Variants in SVIL observed in about 807,000 individuals in gnomAD.
SVIL encodes supervillin.
SVIL carries 101 observed loss-of-function variants against 240.4 expected under a neutral mutation model. That is an observed-to-expected ratio of 0.42 (90% CI 0.36 to 0.50). The LOEUF is 0.50. Ranked by LOEUF, SVIL falls within the 20% of genes least tolerant of loss-of-function variation. The probability of loss-of-function intolerance (pLI) is 0.01; values close to 1 mark genes in which losing one functional copy is unlikely to be tolerated. For synonymous variants in SVIL, 999 were observed against 1,100.0 expected, an observed-to-expected ratio of 0.91 and a Z score of 1.82; for missense variants, 2,512 against 2,818.7, an observed-to-expected ratio of 0.89 and a Z score of 2.46.
At chr10:29,488,194 C>T (rs1385247335) in intron 23 of SVIL, among the ~76,000 whole-genome samples, 1 of 150,950 alleles carries the variant, frequency 6.6e-6, no homozygotes, top group Non-Finnish European at 1.5e-5. Context: ...TGTACTGACT[C>T]GGGGAGAACT....
intron 1 of SVIL, among the ~76,000 whole-genome samples, chr10:29,709,377 T>C (rs1028906470): frequency 9.2e-5 from 14 of 152,222 alleles, no homozygotes; most frequent in Admixed American, 7.9e-4. Flanking sequence ...ATGCTTAACC[T>C]GTACAAGAAA....
intron 12 of SVIL, 93 bp downstream of exon 12, chr10:29,529,611 TC>T: frequency 7.2e-7 from 1 of 1,396,220 alleles, no homozygotes. Context: ...CTAAATCACC[TC>T]CCCAATGCCT....
intron 1 of SVIL, among the ~76,000 whole-genome samples, chr10:29,607,029 A>G (rs145722596): frequency 4.3e-4 from 65 of 152,354 alleles, no homozygotes; most frequent in Middle Eastern, 3.4e-3. Flanking sequence ...TGCTGAAATT[A>G]CAGGCATGAG....
At chr10:29,559,689 A>G (rs1402831985) in intron 3 of SVIL, among the ~76,000 whole-genome samples, 1 of 152,152 alleles carries the variant, frequency 6.6e-6, no homozygotes, top group East Asian at 1.9e-4. Context: ...TTTACCTGCT[A>G]TGTTGGTCTG....
At chr10:29,566,656 C>A (rs77557640) in intron 2 of SVIL, among the ~76,000 whole-genome samples, 2,325 of 152,240 alleles carry the variant, frequency 0.015, 68 homozygotes, top group African/African-American at 0.053. Context: ...CAGTGAGCAC[C>A]TTTTTTGGCT....
chr10:29,571,180 C>G (rs1257612990), intron 1 of SVIL, among the ~76,000 whole-genome samples: 1 of 152,180 alleles, frequency 6.6e-6, no homozygotes, highest in South Asian at 2.1e-4. Flanking sequence ...GCCTATGGTA[C>G]AGGAGAAGCA....
chr10:29,467,620 G>A (rs1448556649), intron 33 of SVIL, 122 bp downstream of exon 33: 1 of 1,295,760 alleles, frequency 7.7e-7, no homozygotes. Flanking sequence ...TTGAGCCCAG[G>A]AGGTTGAAGC....
intron 1 of SVIL, 26 bp downstream of exon 1, chr10:29,634,394 G>A (rs1250899490): frequency 6.6e-6 from 1 of 151,996 alleles, no homozygotes; most frequent in Admixed American, 6.6e-5. Flanking sequence ...ACTGCATTTA[G>A]ATTTATAGGA....
At chr10:29,566,851 C>T (rs1312534321) in intron 2 of SVIL, among the ~76,000 whole-genome samples, 6 of 152,146 alleles carry the variant, frequency 3.9e-5, no homozygotes, top group Non-Finnish European at 7.3e-5. Flanking sequence ...TCAGTCACCC[C>T]TCAACCCCAA....
intron 1 of SVIL, among the ~76,000 whole-genome samples, chr10:29,618,294 T>C (rs1188244235): frequency 6.6e-6 from 1 of 152,352 alleles, no homozygotes; most frequent in African/African-American, 2.4e-5. Flanking sequence ...GTATTGTTTG[T>C]CAAATTCAAG....
rs568090093 is a variant in SVIL, at chr10:29,554,113, G to A, written c.160+670C>T. Among the ~76,000 whole-genome samples, 8 of 152,266 alleles carry A rather than the reference G, an allele frequency of 5.3e-5. No homozygotes were observed. In the East Asian group the frequency reaches 5.8e-4, roughly 11 times the overall value. ...ACATGGAAGGCCAGATCCGTGAGGC[G>A]GGGCAGAGATGACATACATGTTGTT... is the stretch of plus-strand genomic sequence containing the variant. On this transcript the variant is annotated intron_variant, in intron 5 of 37. Coordinates refer to ENST00000355867, the MANE Select transcript of SVIL (RefSeq NM_021738.3).
intron 3 of SVIL, among the ~76,000 whole-genome samples, chr10:29,650,111 G>T (rs1490940669): frequency 6.6e-6 from 1 of 152,168 alleles, no homozygotes; most frequent in Non-Finnish European, 1.5e-5. Flanking sequence ...CCAGTCTGTG[G>T]TATTCTGTTA....
In SVIL at chr10:29,553,118, C is replaced by CTTT. The variant is rs4018662; in HGVS notation, c.160+1662_160+1664dup. Among the ~76,000 whole-genome samples, 616 of 135,536 alleles carry CTTT rather than the reference C, an allele frequency of 4.5e-3. 4 individuals carry two copies. The highest frequency in any genetic ancestry group is 7.2e-3 in the Non-Finnish European group (461 of 63,684). 88.9% of individuals were successfully genotyped at this position (135,536 alleles called of 152,430 possible). A position where few individuals can be genotyped will look rare whatever the true frequency, so the allele number is the denominator to read the frequency against. On this transcript the variant is annotated intron_variant, in intron 5 of 37. Coordinates refer to ENST00000355867, the MANE Select transcript of SVIL (RefSeq NM_021738.3). ...CTGGTGTTGAGCCACCAAGCCCAGC[C>CTTT]TTTTTTTTTTTTTTTTCAATAATTG...
chr10:29,733,186 T>G (rs1247160012), intron 1 of SVIL, among the ~76,000 whole-genome samples: 6 of 152,236 alleles, frequency 3.9e-5, no homozygotes, highest in Non-Finnish European at 2.9e-5. Context: ...AAGGATTCTG[T>G]TCTTAAACAT....
chr10:29,541,237 T>C (rs1342683713), intron 6 of SVIL, among the ~76,000 whole-genome samples: 4 of 152,236 alleles, frequency 2.6e-5, no homozygotes, highest in Non-Finnish European at 5.9e-5. Flanking sequence ...GTGGGAGATT[T>C]GCTTTATACA....
Position 29,533,400 on chromosome 10 carries a change from C to A in SVIL, c.967G>T (p.Ala323Ser), listed in dbSNP as rs1003609589. The change falls in exon 8 of 38, where the codon GCC becomes TCC. Residue 323 changes from alanine to serine, a missense_variant. Around this residue, in one of 3 missense-constraint regions of SVIL, gnomAD observed 1,443 missense variants for 1,486.6 expected, o/e 0.97. Coordinates refer to ENST00000355867, the MANE Select transcript of SVIL (RefSeq NM_021738.3). Reference protein sequence around the residue: ...EESARNSPELASESVTQRRHQ... With the variant: ...EESARNSPELSSESVTQRRHQ... ...CTCCTCTGAGTTACGGACTCTGAGG[C>A]GAGTTCAGGGCTGTTTCGAGCACTT... The A allele has an allele frequency of 1.6e-5, 26 of 1,614,094 alleles. No homozygotes were observed. The highest frequency in any genetic ancestry group is 2.2e-5 in the Non-Finnish European group (26 of 1,180,020).
At chr10:29,499,042 T>C in intron 18 of SVIL, 74 bp downstream of exon 18, 1 of 1,552,468 alleles carries the variant, frequency 6.4e-7, no homozygotes, top group Admixed American at 1.9e-5. Flanking sequence ...CGTACCACCA[T>C]GCCCTCCATG....
intron 1 of SVIL, among the ~76,000 whole-genome samples, chr10:29,590,275 G>A (rs1313895516): frequency 6.0e-5 from 9 of 149,986 alleles, no homozygotes; most frequent in Non-Finnish European, 1.0e-4. Flanking sequence ...CTCCTGTCCC[G>A]TGGCTCCCCA....
At position 29,524,645 on chromosome 10, in the gene SVIL, G is replaced by C; in HGVS notation, c.2413C>G (p.Gln805Glu). 1 of 1,614,148 alleles carries C rather than the reference G, an allele frequency of 6.2e-7. No individual in the cohort carries two copies. Among genetic ancestry groups the C allele is most frequent in the Non-Finnish European group, 8.5e-7 (1 of 1,180,022 alleles). Residue 805 changes from glutamine (Q) to glutamate (E), a missense_variant, in exon 14 of 38, where the codon CAA becomes GAA. Gln to Glu is a conservative substitution (Grantham distance 29). Coordinates refer to ENST00000355867, the MANE Select transcript of SVIL (RefSeq NM_021738.3). ...AGAGTGGAGGAATCAGGTTCTCCTT[G>C]CTCAGCAAGCTCTTTGCCCTCATTT... ...QTNEGKELAE[Q>E]GEPDSSTLSL...
Sources: allele counts gnomAD v4.1 joint callset (sites outside exome capture counted in the v4.1 genomes callset), GRCh38; gene constraint gnomAD v4.1.1; regional missense constraint gnomAD v4.1.1; transcripts MANE v1.5; gene names NCBI Gene and HGNC (gene_info 2026-07-23, HGNC 2026-07-21).